The following TTC3 variants were observed in gnomAD, a reference collection of about 807,000 sequenced individuals.
TTC3 encodes tetratricopeptide repeat domain 3.
In TTC3, 180 loss-of-function variants were observed where a neutral mutation model predicts 249.6. That is an observed-to-expected ratio of 0.72 (90% CI 0.64 to 0.82). TTC3 has a LOEUF of 0.82. TTC3 is among the 40% of genes least tolerant of loss of function. The pLI, the probability that TTC3 is intolerant of heterozygous loss-of-function variation, is 0.00. For missense variants in TTC3, 2,061 were observed against 2,398.4 expected (o/e 0.86, Z 2.94); for synonymous variants, 717 against 805.0 (o/e 0.89, Z 1.85).
intron 15 of TTC3, 44 bp downstream of exon 15, chr21:37,126,187 G>A: frequency 6.3e-7 from 1 of 1,585,872 alleles, no homozygotes; most frequent in African/African-American, 1.4e-5. Flanking sequence ...TTAATATAAT[G>A]TCTCCTAAAT....
At chr21:37,156,446 A>G (rs1345010016) in intron 27 of TTC3, among the ~76,000 whole-genome samples, 1 of 152,216 alleles carries the variant, frequency 6.6e-6, no homozygotes, top group Non-Finnish European at 1.5e-5. Flanking sequence ...AATCTAATAG[A>G]CAAGAATTAT....
chr21:37,188,991 G>T lies in TTC3; in HGVS notation c.5024+396G>T, dbSNP rs534316525. 2.0e-5 allele frequency among the ~76,000 whole-genome samples: 3 copies of T among 152,294 alleles called. No individual in the cohort carries two copies. The South Asian group carries it at 6.2e-4, about 32-fold the overall frequency. On this transcript the variant is annotated intron_variant, in intron 39 of 45. Coordinates refer to ENST00000355666, the Ensembl canonical transcript of TTC3. ...ACTGCTGTGCTGGAACAGTGGAGTT[G>T]TTTGTGAATTTGTGTTAATATAAGC...
chr21:37,074,363 G>A (rs1412184771), intron 1 of TTC3, among the ~76,000 whole-genome samples: 2 of 152,238 alleles, frequency 1.3e-5, no homozygotes, highest in East Asian at 3.8e-4. Context: ...AAGCCGAGAC[G>A]TAGGTGAATT....
At chr21:37,152,089 A>G in intron 26 of TTC3, 60 bp downstream of exon 26, 3 of 1,450,026 alleles carry the variant, frequency 2.1e-6, no homozygotes, top group Non-Finnish European at 2.7e-6. Flanking sequence ...GTATAAATGT[A>G]AGCATCTTTT....
intron 36 of TTC3, among the ~76,000 whole-genome samples, chr21:37,183,973 T>C (rs1216073625): frequency 6.6e-6 from 1 of 152,188 alleles, no homozygotes; most frequent in Non-Finnish European, 1.5e-5. Flanking sequence ...TTTTGTGTTT[T>C]TCCATGCCGC....
At chr21:37,091,681 A>G in intron 7 of TTC3, 1 of 158,452 alleles carries the variant, frequency 6.3e-6, no homozygotes, top group Non-Finnish European at 1.4e-5. Flanking sequence ...TCCCGGGTTC[A>G]CACCATTCTC....
intron 35 of TTC3, among the ~76,000 whole-genome samples, chr21:37,179,153 G>A (rs1188638695): frequency 6.6e-6 from 1 of 151,988 alleles, no homozygotes; most frequent in Non-Finnish European, 1.5e-5. Context: ...TAGGTATGGG[G>A]ATACATGCCT....
intron 35 of TTC3, among the ~76,000 whole-genome samples, chr21:37,176,878 G>A (rs775400055): frequency 1.3e-5 from 2 of 152,114 alleles, no homozygotes; most frequent in Non-Finnish European, 2.9e-5. Context: ...TCAGCTCCAC[G>A]GCCTAGTTCA....
intron 32 of TTC3, among the ~76,000 whole-genome samples, chr21:37,164,591 G>C (rs2081082014): frequency 6.6e-6 from 1 of 152,156 alleles, no homozygotes; most frequent in Non-Finnish European, 1.5e-5. Context: ...GCCTGCCTCA[G>C]CCTTCCAAAA....
Position 37,131,288 on chromosome 21 carries a change from A to G in TTC3, c.1359-1394A>G, listed in dbSNP as rs550577547. On this transcript the variant is annotated intron_variant, in intron 16 of 45. Transcript: ENST00000355666. ...ACTTTCAGCCTCATACCTGACCTCC[A>G]AGGAGAGGAGGGGGGCTGGAAATTG... Among the ~76,000 whole-genome samples the G allele has an allele frequency of 7.3e-4, 111 of 152,266 alleles. 1 individual carries two copies. The highest frequency in any genetic ancestry group is 2.2e-3 in the African/African-American group (93 of 41,554).
At chr21:37,124,075 A>G (rs932714332) in intron 13 of TTC3, among the ~76,000 whole-genome samples, 1 of 123,322 alleles carries the variant, frequency 8.1e-6, no homozygotes, top group African/African-American at 2.7e-5. Flanking sequence ...GCTGATATTT[A>G]AATGTTAGAA....
At chr21:37,115,445 C>T (rs1601546185) in intron 11 of TTC3, among the ~76,000 whole-genome samples, 2 of 152,110 alleles carry the variant, frequency 1.3e-5, no homozygotes, top group Non-Finnish European at 2.9e-5. Flanking sequence ...TGATTGCTTA[C>T]AACCAAGTCA....
chr21:37,158,077 A>G, intron 28 of TTC3: 2 of 974,714 alleles, frequency 2.1e-6, no homozygotes, highest in South Asian at 4.7e-5. Context: ...ACTTTTGACA[A>G]CAAAAGTTCT....
intron 11 of TTC3, among the ~76,000 whole-genome samples, chr21:37,110,815 G>T (rs1363075056): frequency 6.6e-6 from 1 of 152,048 alleles, no homozygotes; most frequent in Admixed American, 6.5e-5. Context: ...GAAAGGTCGG[G>T]TTACCCACAA....
At chr21:37,085,437 G>A (rs1202469740) in intron 1 of TTC3, among the ~76,000 whole-genome samples, 1 of 152,208 alleles carries the variant, frequency 6.6e-6, no homozygotes, top group Non-Finnish European at 1.5e-5. Flanking sequence ...TTGAATGGTC[G>A]AAGTGGAAAC....
chr21:37,079,925 T>C (rs2071407459), intron 1 of TTC3, among the ~76,000 whole-genome samples: 1 of 152,226 alleles, frequency 6.6e-6, no homozygotes, highest in South Asian at 2.1e-4. Context: ...CTTCTCTTTC[T>C]TGATCAGTCT....
At chr21:37,115,463 C>G (rs908030605) in intron 11 of TTC3, among the ~76,000 whole-genome samples, 2 of 152,122 alleles carry the variant, frequency 1.3e-5, no homozygotes, top group Admixed American at 1.3e-4. Context: ...TCAGGGAGCA[C>G]TATAATAGAC....
chr21:37,093,960 T>A (rs777113616), intron 7 of TTC3, 45 bp from the exon 8 acceptor site: 14 of 1,315,314 alleles, frequency 1.1e-5, no homozygotes, highest in Non-Finnish European at 1.5e-5. Flanking sequence ...TTGTTTTTTT[T>A]TAAACAAATG....
At chr21:37,087,388 A>G (rs760400196) in exon 2 of TTC3, 2 of 1,613,716 alleles carry the variant, frequency 1.2e-6, no homozygotes, top group African/African-American at 2.7e-5. Context: ...ACTCAGCTTT[A>G]CTGTGATGGG....
Sources: gnomAD v4.1 joint callset for allele counts (sites outside exome capture counted in the v4.1 genomes callset) on GRCh38, gnomAD v4.1.1 for gene constraint, MANE v1.5 for transcripts, NCBI Gene and HGNC (gene_info 2026-07-23, HGNC 2026-07-21) for gene names.